Variants in DLG2 observed in about 807,000 individuals in gnomAD.
The protein encoded by DLG2 is disks large homolog 2.
In DLG2, 45 loss-of-function variants were observed where a neutral mutation model predicts 132.5. The observed-to-expected ratio is 0.34, with a 90% CI of 0.27 to 0.44. DLG2 has a LOEUF of 0.44. Among genes scored for constraint, DLG2 ranks in the 20% least tolerant of loss-of-function variants. The pLI, the probability that DLG2 is intolerant of heterozygous loss-of-function variation, is 1.00. For missense variants in DLG2, 1,045 were observed against 1,196.9 expected (o/e 0.87, Z 1.87); for synonymous variants, 424 against 419.6 (o/e 1.01, Z -0.13).
At chr11:84,956,261 G>C (rs1048891624) in intron 6 of DLG2, among the ~76,000 whole-genome samples, 5 of 152,186 alleles carry the variant, frequency 3.3e-5, no homozygotes, top group Non-Finnish European at 7.4e-5. Context: ...GGGAATGTTT[G>C]TATGAAAGCT....
At chr11:84,507,432 G>T (rs1264098659) in intron 7 of DLG2, among the ~76,000 whole-genome samples, 1 of 152,200 alleles carries the variant, frequency 6.6e-6, no homozygotes, top group Middle Eastern at 3.2e-3. Flanking sequence ...AGTTTAACAT[G>T]AAGTGCTACT....
intron 8 of DLG2, among the ~76,000 whole-genome samples, chr11:84,234,518 G>A (rs1432739066): frequency 3.9e-5 from 6 of 152,134 alleles, no homozygotes; most frequent in Non-Finnish European, 4.4e-5. Context: ...ATTAGACAAA[G>A]TGACATCACT....
At chr11:83,929,936 G>A (rs1302105682) in intron 15 of DLG2, among the ~76,000 whole-genome samples, 1 of 152,046 alleles carries the variant, frequency 6.6e-6, no homozygotes, top group Non-Finnish European at 1.5e-5. Context: ...TGTTATGCCT[G>A]GAGCATAGTA....
intron 7 of DLG2, among the ~76,000 whole-genome samples, chr11:84,475,420 GCTTT>G (rs2099119058): frequency 6.6e-6 from 1 of 152,052 alleles, no homozygotes; most frequent in Non-Finnish European, 1.5e-5. Context: ...TCTCTGGAAG[GCTTT>G]CTATTTTATT....
intron 19 of DLG2, among the ~76,000 whole-genome samples, chr11:83,546,882 T>C (rs781644966): frequency 1.3e-5 from 2 of 152,150 alleles, no homozygotes; most frequent in African/African-American, 2.4e-5. Flanking sequence ...CCTTGTATTA[T>C]AGAAGAGGAA....
chr11:84,247,989 A>T (rs2097324963), intron 8 of DLG2, among the ~76,000 whole-genome samples: 2 of 152,218 alleles, frequency 1.3e-5, no homozygotes, highest in Non-Finnish European at 2.9e-5. Context: ...TGCCCTAGGG[A>T]ACTCTGAAAT....
At chr11:84,363,986 G>A (rs1343868322) in intron 7 of DLG2, among the ~76,000 whole-genome samples, 2 of 152,030 alleles carry the variant, frequency 1.3e-5, no homozygotes, top group South Asian at 2.1e-4. Context: ...TTGACTTGGT[G>A]ATGAGGGCTC....
At chr11:84,149,841 TCCACCTC>T (rs2095235637) in intron 9 of DLG2, among the ~76,000 whole-genome samples, 1 of 152,058 alleles carries the variant, frequency 6.6e-6, no homozygotes, top group East Asian at 1.9e-4. Flanking sequence ...CACTGCAGCC[TCCACCTC>T]CCGGGTTCAA....
In DLG2 at chr11:83,541,719, C is replaced by G. The variant is rs2096072211; in HGVS notation, c.2080G>C (p.Asp694His). The change falls in exon 20 of 28, where the codon GAC (aspartate) becomes CAC (histidine). Residue 694 changes from aspartate to histidine, a missense_variant. Around this residue, in one of 4 missense-constraint regions of DLG2, gnomAD observed 398 missense variants for 543.6 expected, o/e 0.73. Transcript: ENST00000376104. ...GGGATGACCCCCATCTCCTCACTGT[C>G]TCCCTCCAGCATGACTCTCCTGGCT... is the stretch of plus-strand genomic sequence containing the variant. ...WQARRVMLEG[D>H]SEEMGVIPSK... 6.2e-7 allele frequency: 1 copy of G among 1,612,016 alleles called. No individual in the cohort carries two copies. The highest frequency in any genetic ancestry group is 1.1e-5 in the South Asian group (1 of 90,836).
chr11:84,976,275 T>C (rs1049366963), intron 6 of DLG2, among the ~76,000 whole-genome samples: 2 of 152,152 alleles, frequency 1.3e-5, no homozygotes, highest in African/African-American at 4.8e-5. Flanking sequence ...AGATTGGGGA[T>C]AGATGCAAAG....
intron 5 of DLG2, among the ~76,000 whole-genome samples, chr11:85,121,404 AT>A (rs1349429066): frequency 6.6e-6 from 1 of 150,988 alleles, no homozygotes; most frequent in Non-Finnish European, 1.5e-5. Flanking sequence ...TGTTATATAT[AT>A]ATTATAAAGT....
At chr11:84,741,491 ACAC>A (rs896260940) in intron 6 of DLG2, among the ~76,000 whole-genome samples, 10 of 151,316 alleles carry the variant, frequency 6.6e-5, no homozygotes, top group African/African-American at 1.5e-4. Context: ...TGGCAAAGTC[ACAC>A]CACCACCACC....
At chr11:84,701,885 A>T (rs1441941431) in intron 6 of DLG2, among the ~76,000 whole-genome samples, 3 of 151,390 alleles carry the variant, frequency 2.0e-5, no homozygotes, top group Non-Finnish European at 4.4e-5. Flanking sequence ...AGGTTTTCTC[A>T]AGTCATACTC....
intron 4 of DLG2, among the ~76,000 whole-genome samples, chr11:85,210,396 C>T (rs769165819): frequency 1.3e-5 from 2 of 152,120 alleles, no homozygotes; most frequent in East Asian, 1.9e-4. Flanking sequence ...CCTTCTGCCT[C>T]GGATCTCCTT....
chr11:84,686,019 CTGA>C (rs1385354184), intron 6 of DLG2, among the ~76,000 whole-genome samples: 3 of 152,208 alleles, frequency 2.0e-5, no homozygotes, highest in African/African-American at 7.2e-5. Flanking sequence ...AGCAGCAGTT[CTGA>C]TGCTTCAAGC....
chr11:83,746,692 G>A (rs559274025), intron 18 of DLG2, among the ~76,000 whole-genome samples: 5 of 152,112 alleles, frequency 3.3e-5, no homozygotes, highest in African/African-American at 7.2e-5. Context: ...AAACCTGCAC[G>A]TTGTGCACAT....
chr11:84,546,621 A>G (rs1422516665), intron 6 of DLG2: 6 of 518,258 alleles, frequency 1.2e-5, no homozygotes, highest in South Asian at 1.6e-5. Flanking sequence ...CTCATGTAGC[A>G]TGGCATTTAG....
chr11:83,712,488 G>A (rs1017475978), intron 18 of DLG2, among the ~76,000 whole-genome samples: 3 of 151,938 alleles, frequency 2.0e-5, no homozygotes, highest in Admixed American at 1.3e-4. Flanking sequence ...AAATTAGCCC[G>A]GTGTGGTGTT....
chr11:85,033,259 T>C (rs1265168806), intron 6 of DLG2, among the ~76,000 whole-genome samples: 1 of 152,094 alleles, frequency 6.6e-6, no homozygotes, highest in Non-Finnish European at 1.5e-5. Context: ...CATTAAAAGA[T>C]GTTATTTGAA....
Sources: allele counts gnomAD v4.1 joint callset (sites outside exome capture counted in the v4.1 genomes callset), GRCh38; gene constraint gnomAD v4.1.1; regional missense constraint gnomAD v4.1.1; transcripts MANE v1.5; gene names NCBI Gene and HGNC (gene_info 2026-07-23, HGNC 2026-07-21).